The following TET2 variants were observed in gnomAD, a reference collection of about 807,000 sequenced individuals.
TET2 encodes the protein methylcytosine dioxygenase TET2.
A neutral mutation model predicts 142.9 loss-of-function variants in TET2; 299 were observed. The ratio of observed to expected loss-of-function variants is 2.09; its 90% CI spans 1.90 to 2.30. The LOEUF (loss-of-function observed/expected upper bound fraction) is 2.30, where lower values mean the gene tolerates loss of function less well. Among genes scored for constraint, TET2 ranks in the 30% most tolerant of loss-of-function variants. The pLI, the probability that TET2 is intolerant of heterozygous loss-of-function variation, is 0.00. For synonymous variants in TET2, 819 were observed against 849.0 expected, an observed-to-expected ratio of 0.96 and a Z score of 0.61; for missense variants, 2,418 against 2,378.0, an observed-to-expected ratio of 1.02 and a Z score of -0.35.
intron 1 of TET2, among the ~76,000 whole-genome samples, chr4:105,152,578 T>TTTTC (rs202087309): frequency 2.7e-4 from 36 of 131,332 alleles, no homozygotes; most frequent in Non-Finnish European, 4.0e-4. Flanking sequence ...TTCTTTTCCT[T>TTTTC]TTTCTTTCTT....
Position 105,236,166 on chromosome 4 carries a change from CA to C in TET2, c.2225del (p.Gln742ArgfsTer9). The C allele has an allele frequency of 6.2e-7, 1 of 1,614,084 alleles. No homozygotes were observed. The highest frequency in any genetic ancestry group is 8.5e-7 in the Non-Finnish European group (1 of 1,180,006). ...CCAGAGTTCACATCTCCCTCAAAACCAGCAACAGCAGCAAAAATTACAAATA... is the reference window on the plus strand; with the variant it reads ...CCAGAGTTCACATCTCCCTCAAAACCGCAACAGCAGCAAAAATTACAAATA... ...PSQSSHLPQNQQQQQKLQIKN... is the reference protein window; with the variant it reads ...PSQSSHLPQNXQQQQKLQIKN... On this transcript the variant is annotated frameshift_variant, in exon 3 of 11. Coordinates refer to ENST00000380013, the MANE Select transcript of TET2 (RefSeq NM_001127208.3). LOFTEE classifies it high-confidence loss of function.
At chr4:105,178,243 T>C (rs538680875) in intron 1 of TET2, among the ~76,000 whole-genome samples, 84 of 152,342 alleles carry the variant, frequency 5.5e-4, no homozygotes, top group African/African-American at 2.0e-3. Context: ...CATCCAGATG[T>C]AAGAATATTA....
At chr4:105,262,178 A>G (rs962786694) in intron 8 of TET2, among the ~76,000 whole-genome samples, 4 of 152,132 alleles carry the variant, frequency 2.6e-5, no homozygotes. Flanking sequence ...ATAGGTTCTA[A>G]CTACCTATTT....
At chr4:105,254,047 A>G (rs1302521609) in intron 6 of TET2, among the ~76,000 whole-genome samples, 1 of 152,182 alleles carries the variant, frequency 6.6e-6, no homozygotes, top group Non-Finnish European at 1.5e-5. Context: ...TTATTTATGA[A>G]TGCATTCATG....
chr4:105,234,370 ATTTGAGTGAT>A lies in TET2; in HGVS notation c.429_438del (p.Asp143GlufsTer6). On this transcript the variant is annotated frameshift_variant, in exon 3 of 11. Transcript: ENST00000380013. LOFTEE classifies it high-confidence loss of function. ...GAAAGCAGTCAACCAAATGTCTCCGATTTGAGTGATAAGAAAGAATCTGTGAGTTCTGTAG... is the reference window on the plus strand; with the variant it reads ...GAAAGCAGTCAACCAAATGTCTCCGAAAGAAAGAATCTGTGAGTTCTGTAG... 6.2e-7 allele frequency: 1 copy of A among 1,614,080 alleles called. No homozygotes were observed. The highest frequency in any genetic ancestry group is 8.5e-7 in the Non-Finnish European group (1 of 1,180,010).
intron 3 of TET2, chr4:105,239,006 C>T (rs911597444): frequency 8.3e-6 from 2 of 240,322 alleles, no homozygotes; most frequent in Non-Finnish European, 1.8e-5. Flanking sequence ...GCATCTCCAT[C>T]GGAGCTCTTG....
chr4:105,218,247 C>T (rs988318551), intron 2 of TET2, among the ~76,000 whole-genome samples: 1 of 151,946 alleles, frequency 6.6e-6, no homozygotes. Flanking sequence ...ATTTATGTTC[C>T]TAGTGATGTG....
intron 2 of TET2, among the ~76,000 whole-genome samples, chr4:105,206,364 T>C (rs937171168): frequency 1.5e-4 from 23 of 152,234 alleles, no homozygotes; most frequent in African/African-American, 5.5e-4. Context: ...AGCTTCCTTA[T>C]GTCAGGGTGA....
chr4:105,236,708 T>TAA lies in TET2; in HGVS notation c.2767_2768dup (p.Asn923LysfsTer31). The TAA allele has an allele frequency of 6.2e-7, 1 of 1,614,102 alleles. No individual in the cohort carries two copies. The highest frequency in any genetic ancestry group is 8.5e-7 in the Non-Finnish European group (1 of 1,180,012). On this transcript the variant is annotated frameshift_variant, in exon 3 of 11. Coordinates refer to ENST00000380013, the MANE Select transcript of TET2 (RefSeq NM_001127208.3). LOFTEE classifies it high-confidence loss of function. ...TTGCTCAGCAAAGGTACTTGATACA[T>TAA]AACCATGCAAATGTTTTTCCTGTGC...
At chr4:105,185,336 A>G (rs1380205610) in intron 1 of TET2, among the ~76,000 whole-genome samples, 2 of 152,248 alleles carry the variant, frequency 1.3e-5, no homozygotes, top group East Asian at 3.8e-4. Context: ...AGGCCCTGCC[A>G]CCCACAAAGG....
At chr4:105,274,616 C>A (rs1164170224) in intron 10 of TET2, among the ~76,000 whole-genome samples, 1 of 152,050 alleles carries the variant, frequency 6.6e-6, no homozygotes, top group Non-Finnish European at 1.5e-5. Context: ...AACTATAATA[C>A]ATTGTGAGTA....
chr4:105,216,836 A>AGAG (rs1481514705), intron 2 of TET2, among the ~76,000 whole-genome samples: 1 of 152,086 alleles, frequency 6.6e-6, no homozygotes, highest in Admixed American at 6.6e-5. Context: ...TGTTGGACAA[A>AGAG]CTGTTGGTCA....
intron 2 of TET2, among the ~76,000 whole-genome samples, chr4:105,223,130 T>C (rs534288434): frequency 1.3e-5 from 2 of 152,182 alleles, no homozygotes; most frequent in African/African-American, 4.8e-5. Context: ...TTTCAAGAGA[T>C]GTGAAGTACA....
In TET2 at chr4:105,276,536, T is replaced by G. The variant is rs933196286; in HGVS notation, c.*17T>G. 3 of 1,540,790 alleles carry G rather than the reference T, an allele frequency of 1.9e-6. No individual in the cohort carries two copies. The highest frequency in any genetic ancestry group is 2.7e-5 in the African/African-American group (2 of 72,740). On this transcript the variant is annotated 3_prime_UTR_variant, in exon 11 of 11. Transcript: ENST00000380013. ...TATATATGATATCACCCCCTTTTGTTGGTTACCTCACTTGAAAAGACCACA... is the reference window on the plus strand; with the variant it reads ...TATATATGATATCACCCCCTTTTGTGGGTTACCTCACTTGAAAAGACCACA...
intron 2 of TET2, among the ~76,000 whole-genome samples, chr4:105,225,447 C>T: frequency 6.6e-6 from 1 of 152,114 alleles, no homozygotes. Flanking sequence ...GGTTCTCCTC[C>T]CTCAGCAATG....
chr4:105,208,223 A>G (rs1248255168), intron 2 of TET2, among the ~76,000 whole-genome samples: 2 of 151,924 alleles, frequency 1.3e-5, no homozygotes, highest in African/African-American at 2.4e-5. Context: ...TAAGGCTCTC[A>G]TCTTAGGCCA....
At chr4:105,251,296 C>T (rs145218734) in intron 6 of TET2, among the ~76,000 whole-genome samples, 9 of 152,218 alleles carry the variant, frequency 5.9e-5, no homozygotes, top group African/African-American at 2.2e-4. Context: ...CAACTGCAAA[C>T]ATCCTTGTCT....
At chr4:105,196,237 A>C (rs902755447) in intron 2 of TET2, among the ~76,000 whole-genome samples, 2 of 151,450 alleles carry the variant, frequency 1.3e-5, no homozygotes, top group East Asian at 3.9e-4. Context: ...CTGACCATCT[A>C]TACCCCTTCT....
intron 1 of TET2, among the ~76,000 whole-genome samples, chr4:105,182,872 C>T (rs2110456514): frequency 6.6e-6 from 1 of 152,122 alleles, no homozygotes; most frequent in Admixed American, 6.5e-5. Flanking sequence ...TGTCTTTAAA[C>T]CTTAGCTCAT....
Sources: allele counts gnomAD v4.1 joint callset (sites outside exome capture counted in the v4.1 genomes callset), GRCh38; gene constraint gnomAD v4.1.1; transcripts MANE v1.5; gene names NCBI Gene and HGNC (gene_info 2026-07-23, HGNC 2026-07-21).